Variants in GLI3 observed in about 807,000 individuals in gnomAD.
GLI3 encodes GLI family zinc finger 3.
A neutral mutation model predicts 100.8 loss-of-function variants in GLI3; 20 were observed. That is an observed-to-expected ratio of 0.20 (90% CI 0.14 to 0.29). The LOEUF is 0.29. Among genes scored for constraint, GLI3 ranks in the 10% least tolerant of loss-of-function variants. The pLI, the probability that GLI3 is intolerant of heterozygous loss-of-function variation, is 1.00. For synonymous variants in GLI3, 938 were observed against 860.5 expected, an observed-to-expected ratio of 1.09 and a Z score of -1.58; for missense variants, 2,040 against 2,128.5, an observed-to-expected ratio of 0.96 and a Z score of 0.82.
chr7:42,099,959 ACT>A (rs1389138219), intron 3 of GLI3, among the ~76,000 whole-genome samples: 6 of 152,212 alleles, frequency 3.9e-5, no homozygotes, highest in Non-Finnish European at 7.3e-5. Context: ...GTGCCAATCC[ACT>A]CTCTTTCTCT....
At chr7:41,973,144 A>G (rs1562664640) in intron 12 of GLI3, among the ~76,000 whole-genome samples, 1 of 152,246 alleles carries the variant, frequency 6.6e-6, no homozygotes, top group Non-Finnish European at 1.5e-5. Flanking sequence ...ATGCACAGGC[A>G]TAATTTAAAA....
intron 7 of GLI3, among the ~76,000 whole-genome samples, chr7:42,033,043 C>T (rs974275777): frequency 7.9e-5 from 12 of 152,142 alleles, no homozygotes; most frequent in Non-Finnish European, 1.6e-4. Flanking sequence ...AAGGAAGGCT[C>T]TTCAGTTTCC....
At chr7:42,228,392 T>C (rs778097961) in intron 1 of GLI3, among the ~76,000 whole-genome samples, 2 of 151,964 alleles carry the variant, frequency 1.3e-5, no homozygotes, top group Admixed American at 6.5e-5. Context: ...CTGGGGGCCA[T>C]GTGGGGGTGG....
intron 2 of GLI3, among the ~76,000 whole-genome samples, chr7:42,204,356 C>G (rs771072588): frequency 2.0e-5 from 3 of 151,948 alleles, no homozygotes; most frequent in Non-Finnish European, 4.4e-5. Flanking sequence ...CTTTCTCCAG[C>G]CCCCAGTTCC....
rs924500056 is a variant in GLI3 at position 42,250,087 on chromosome 7, T to G, written c.-43+13907A>C. Among the ~76,000 whole-genome samples, 18 of 142,382 alleles carry G rather than the reference T, an allele frequency of 1.3e-4. No individual in the cohort carries two copies. The East Asian group carries it at 4.2e-3, about 33-fold the overall frequency. The allele number at this position is 142,382 out of a possible 152,430, so 93.4% of individuals were successfully genotyped here. A position where few individuals can be genotyped will look rare whatever the true frequency, so the allele number is the denominator to read the frequency against. The stretch of plus-strand genomic sequence containing the variant: ...TTCATCCTGGGTGACAGAGCAAGAC[T>G]CTGTCTCAACAACAAAAAAAAAGTT... On this transcript the variant is annotated intron_variant, in intron 1 of 2. Transcript: ENST00000678978.
At chr7:42,255,689 C>A (rs1789078820) in intron 1 of GLI3, among the ~76,000 whole-genome samples, 1 of 152,156 alleles carries the variant, frequency 6.6e-6, no homozygotes, top group Non-Finnish European at 1.5e-5. Context: ...AGATGCCCTA[C>A]ATTTTGTTTA....
At chr7:42,170,570 T>C (rs911668283) in intron 2 of GLI3, among the ~76,000 whole-genome samples, 1 of 151,622 alleles carries the variant, frequency 6.6e-6, no homozygotes, top group African/African-American at 2.4e-5. Flanking sequence ...ACCCAGCCAA[T>C]TTTTTGTATT....
upstream of GLI3, among the ~76,000 whole-genome samples, chr7:42,242,351 C>T (rs1788933931): frequency 6.6e-6 from 1 of 152,208 alleles, no homozygotes; most frequent in Non-Finnish European, 1.5e-5. Context: ...ACTTGCCTCA[C>T]TCCTGGAAAC....
At chr7:42,002,528 A>G (rs372316154) in intron 10 of GLI3, among the ~76,000 whole-genome samples, 27 of 152,340 alleles carry the variant, frequency 1.8e-4, no homozygotes, top group African/African-American at 6.5e-4. Context: ...TAGAGACAAA[A>G]TGAATTTGAA....
chr7:42,139,535 G>T (rs139154499), intron 3 of GLI3, among the ~76,000 whole-genome samples: 1 of 151,960 alleles, frequency 6.6e-6, no homozygotes, highest in Non-Finnish European at 1.5e-5. Flanking sequence ...CAAAATTAGC[G>T]TGGCATGGTG....
chr7:42,029,280 A>C (rs767203678), intron 7 of GLI3, among the ~76,000 whole-genome samples: 1 of 152,224 alleles, frequency 6.6e-6, no homozygotes, highest in Non-Finnish European at 1.5e-5. Context: ...GAATTTGATG[A>C]CAAAAGTAGA....
chr7:42,229,438 T>C (rs1378065292), intron 1 of GLI3, among the ~76,000 whole-genome samples: 2 of 152,156 alleles, frequency 1.3e-5, no homozygotes, highest in East Asian at 3.9e-4. Context: ...TTCCGTGTAG[T>C]TTAGGGAACT....
At chr7:42,060,524 C>A (rs1784545914) in intron 4 of GLI3, among the ~76,000 whole-genome samples, 1 of 152,074 alleles carries the variant, frequency 6.6e-6, no homozygotes, top group South Asian at 2.1e-4. Context: ...AAAATAAAAA[C>A]TTTTGTCTTT....
At position 42,054,129 on chromosome 7, in the gene GLI3, T is replaced by G. The variant is rs116643593; in HGVS notation, c.474-5433A>C. Among the ~76,000 whole-genome samples the G allele has an allele frequency of 4.0e-3, 608 of 152,344 alleles. 5 individuals carry two copies. The highest frequency in any genetic ancestry group is 0.014 in the African/African-American group (583 of 41,578). On this transcript the variant is annotated intron_variant, in intron 4 of 14. Transcript: ENST00000395925. ...GAAACTGTTTGTTGGTGTAGGTAAC[T>G]TGATTTCAGAATATTTTTTATATGG...
chr7:42,115,133 C>CTTT lies in GLI3; in HGVS notation c.367+33090_367+33092dup, dbSNP rs56200386. Among the ~76,000 whole-genome samples the CTTT allele has an allele frequency of 6.4e-3, 636 of 99,620 alleles. 10 individuals are homozygous for CTTT. Among genetic ancestry groups the CTTT allele is most frequent in the Non-Finnish European group, 7.3e-3 (372 of 51,218 alleles). 65.4% of individuals were successfully genotyped at this position (99,620 alleles called of 152,430 possible). The stretch of plus-strand genomic sequence containing the variant: ...GTGTTGGCCCCAAATAATTTTCCTA[C>CTTT]TTTTTTTTTTTTTTTTTTTTTTTGA... On this transcript the variant is annotated intron_variant, in intron 3 of 14. Coordinates refer to ENST00000395925, the MANE Select transcript of GLI3 (RefSeq NM_000168.6).
intron 7 of GLI3, among the ~76,000 whole-genome samples, chr7:42,027,418 T>A (rs991647040): frequency 6.6e-6 from 1 of 152,212 alleles, no homozygotes. Flanking sequence ...TGCTGTGTAA[T>A]ACCCAGAAAG....
intron 2 of GLI3, among the ~76,000 whole-genome samples, chr7:42,167,057 C>G (rs1344026936): frequency 2.6e-5 from 4 of 152,126 alleles, no homozygotes; most frequent in African/African-American, 9.7e-5. Flanking sequence ...GAACTCCTGA[C>G]CTCAGGTGAT....
chr7:41,967,565 G>T, intron 14 of GLI3, 31 bp downstream of exon 14: 1 of 1,495,926 alleles, frequency 6.7e-7, no homozygotes, highest in East Asian at 2.3e-5. Flanking sequence ...AAAAAACCCT[G>T]AGCAGATGCA....
At chr7:42,109,041 C>A (rs1374705278) in intron 3 of GLI3, among the ~76,000 whole-genome samples, 1 of 152,172 alleles carries the variant, frequency 6.6e-6, no homozygotes, top group Non-Finnish European at 1.5e-5. Flanking sequence ...TGGCCTCCCT[C>A]TAACTTTTGC....
Sources: allele counts gnomAD v4.1 joint callset (sites outside exome capture counted in the v4.1 genomes callset), GRCh38; gene constraint gnomAD v4.1.1; transcripts MANE v1.5; gene names NCBI Gene and HGNC (gene_info 2026-07-23, HGNC 2026-07-21).